Variants in ADAM2 observed in about 807,000 individuals in gnomAD.
The protein encoded by ADAM2 is disintegrin and metalloproteinase domain-containing protein 2.
In ADAM2, 101 loss-of-function variants were observed where a neutral mutation model predicts 99.3. That is an observed-to-expected ratio of 1.02 (90% CI 0.87 to 1.20). The LOEUF is 1.20. Among genes scored for constraint, ADAM2 ranks in the 50% most tolerant of loss-of-function variants. ADAM2 has a pLI of 0.00. For synonymous variants in ADAM2, 323 were observed against 287.6 expected (o/e 1.12, Z -1.25); for missense variants, 948 against 878.7 (o/e 1.08, Z -1.00).
chr8:39,780,975 TATAAAGC>T (rs1300934945), intron 10 of ADAM2, among the ~76,000 whole-genome samples: 5 of 152,000 alleles, frequency 3.3e-5, no homozygotes, highest in Non-Finnish European at 5.9e-5. Flanking sequence ...TTGGAATTAT[TATAAAGC>T]TTGTTTTGTG....
In ADAM2 at chr8:39,767,157, C is replaced by T; in HGVS notation, c.1307G>A (p.Cys436Tyr). Reference sequence around the variant, plus strand: ...AATTTTTCAAAAAGCTCTTACTAGACAGTTTTCGCAGCATGGTCCTTCAGC... The same window carrying T: ...AATTTTTCAAAAAGCTCTTACTAGATAGTTTTCGCAGCATGGTCCTTCAGC... ...NCAEGPCCEN[C>Y]LFMSKERMCR... is the part of the protein sequence containing the mutation. The change falls in exon 13 of 21, where the codon TGT becomes TAT. Residue 436 changes from cysteine to tyrosine, a missense_variant. Physicochemically the swap from Cys to Tyr is radical, Grantham distance 194 (BLOSUM62 -2). Coordinates refer to ENST00000265708, the MANE Select transcript of ADAM2 (RefSeq NM_001464.5). The T allele has an allele frequency of 6.2e-7, 1 of 1,605,666 alleles. No homozygotes were observed. Among genetic ancestry groups the T allele is most frequent in the Non-Finnish European group, 8.5e-7 (1 of 1,177,974 alleles).
chr8:39,785,373 C>T (rs1803422534), intron 10 of ADAM2, among the ~76,000 whole-genome samples: 1 of 152,142 alleles, frequency 6.6e-6, no homozygotes, highest in Non-Finnish European at 1.5e-5. Context: ...ACAACAGATG[C>T]TGATGAGGCT....
intron 3 of ADAM2, among the ~76,000 whole-genome samples, chr8:39,826,610 C>A (rs1212003207): frequency 1.3e-5 from 2 of 151,658 alleles, no homozygotes; most frequent in Non-Finnish European, 1.5e-5. Flanking sequence ...GTAGTCCCAG[C>A]TACTTGGGAG....
chr8:39,779,771 G>T (rs879823086), intron 10 of ADAM2, among the ~76,000 whole-genome samples: 3 of 152,134 alleles, frequency 2.0e-5, no homozygotes. Context: ...TTGTAAACAA[G>T]TGGGGATTTA....
intron 14 of ADAM2, among the ~76,000 whole-genome samples, chr8:39,762,463 T>A (rs868445903): frequency 6.6e-6 from 1 of 152,202 alleles, no homozygotes; most frequent in Non-Finnish European, 1.5e-5. Flanking sequence ...CAAGAGAAAC[T>A]ACTGAAAGAC....
At chr8:39,807,594 A>G (rs1407819965) in intron 7 of ADAM2, among the ~76,000 whole-genome samples, 1 of 152,054 alleles carries the variant, frequency 6.6e-6, no homozygotes, top group Non-Finnish European at 1.5e-5. Flanking sequence ...CCTCAAGATG[A>G]GATTAGTGCC....
At chr8:39,814,046 G>T (rs1303868428) in intron 6 of ADAM2, among the ~76,000 whole-genome samples, 1 of 151,942 alleles carries the variant, frequency 6.6e-6, no homozygotes, top group African/African-American at 2.4e-5. Flanking sequence ...TGTTGAAAAG[G>T]TGGTCAGATG....
intron 14 of ADAM2, among the ~76,000 whole-genome samples, chr8:39,762,610 A>G (rs999375574): frequency 1.3e-5 from 2 of 152,216 alleles, no homozygotes; most frequent in African/African-American, 4.8e-5. Flanking sequence ...TTTACTTAAG[A>G]AATATTATCC....
Position 39,797,866 on chromosome 8 carries a change from G to A in ADAM2, c.571-9126C>T, listed in dbSNP as rs555717435. Among the ~76,000 whole-genome samples the A allele has an allele frequency of 1.4e-4, 22 of 152,336 alleles. 1 individual carries two copies. The highest frequency in any genetic ancestry group is 5.3e-4 in the African/African-American group (22 of 41,578). On this transcript the variant is annotated intron_variant, in intron 7 of 20. Transcript: ENST00000265708. Reference sequence around the variant, plus strand: ...TTGCCTATTGTTGGTATAAAGGAATGCTTGTGATTTTTGCACATTGATTTT... The same window carrying A: ...TTGCCTATTGTTGGTATAAAGGAATACTTGTGATTTTTGCACATTGATTTT...
At chr8:39,831,675 G>A (rs1805623728) in intron 3 of ADAM2, among the ~76,000 whole-genome samples, 1 of 151,982 alleles carries the variant, frequency 6.6e-6, no homozygotes, top group African/African-American at 2.4e-5. Flanking sequence ...GAAAAATATA[G>A]TCATTGAAAA....
chr8:39,793,720 G>A (rs1013184607), intron 7 of ADAM2, among the ~76,000 whole-genome samples: 1 of 152,078 alleles, frequency 6.6e-6, no homozygotes, highest in East Asian at 1.9e-4. Flanking sequence ...TATTGGTAAA[G>A]CCCTCACTTG....
chr8:39,834,077 G>C, intron 2 of ADAM2, 78 bp from the exon 3 acceptor site: 1 of 750,110 alleles, frequency 1.3e-6, no homozygotes, highest in Non-Finnish European at 2.3e-6. Flanking sequence ...TTACATTAAT[G>C]ATAATTGCAT....
At chr8:39,800,770 A>AGG in intron 7 of ADAM2, among the ~76,000 whole-genome samples, 1 of 152,114 alleles carries the variant, frequency 6.6e-6, no homozygotes, top group East Asian at 1.9e-4. Context: ...TGTTTCAGTA[A>AGG]GGTGGTCTTC....
At position 39,821,606 on chromosome 8, in the gene ADAM2, A is replaced by G. The variant is rs780735344; in HGVS notation, c.324T>C (p.Val108=). The G allele has an allele frequency of 6.2e-7, 1 of 1,606,882 alleles. No individual in the cohort carries two copies. The highest frequency in any genetic ancestry group is 2.2e-5 in the East Asian group (1 of 44,766). The part of the protein sequence containing the change: ...IEGYPKSVVM[V]STCTGLRGVL... Reference sequence around the variant, plus strand: ...ACAACCTGAGTCCAGTACATGTGCTAACCATCACCACAGATTTTGGATAAC... The same window carrying G: ...ACAACCTGAGTCCAGTACATGTGCTGACCATCACCACAGATTTTGGATAAC... The change falls in exon 5 of 21, where the codon GTT becomes GTC. Residue 108 remains valine (V), a synonymous_variant. Coordinates refer to ENST00000265708, the MANE Select transcript of ADAM2 (RefSeq NM_001464.5).
chr8:39,764,964 A>C (rs1366098179), intron 14 of ADAM2, among the ~76,000 whole-genome samples: 1 of 152,074 alleles, frequency 6.6e-6, no homozygotes, highest in East Asian at 1.9e-4. Context: ...TGAAGGTTGC[A>C]GTAAGCCAAG....
chr8:39,776,647 G>A (rs950639259), intron 11 of ADAM2, among the ~76,000 whole-genome samples: 1 of 152,096 alleles, frequency 6.6e-6, no homozygotes, highest in South Asian at 2.1e-4. Flanking sequence ...GAAATCAACA[G>A]ATGCTGAGAC....
At chr8:39,791,942 C>G (rs557238082) in intron 7 of ADAM2, among the ~76,000 whole-genome samples, 2 of 152,112 alleles carry the variant, frequency 1.3e-5, no homozygotes, top group South Asian at 4.1e-4. Flanking sequence ...AACTAGGATT[C>G]CTGTGTTAGG....
At chr8:39,767,313 G>A in intron 12 of ADAM2, 62 bp from the exon 13 acceptor site, 7 of 1,369,410 alleles carry the variant, frequency 5.1e-6, no homozygotes, top group Non-Finnish European at 7.1e-6. Context: ...GGACAGGCAT[G>A]TTCATAAAGA....
At chr8:39,747,685 T>G (rs201972) in intron 18 of ADAM2, among the ~76,000 whole-genome samples, 88,215 of 151,948 alleles carry the variant, frequency 0.58, 25,815 homozygotes, top group East Asian at 0.86. Context: ...AATAAAATCC[T>G]TGCTTGGACC....
Sources: allele counts gnomAD v4.1 joint callset (sites outside exome capture counted in the v4.1 genomes callset), GRCh38; gene constraint gnomAD v4.1.1; transcripts MANE v1.5; gene names NCBI Gene and HGNC (gene_info 2026-07-23, HGNC 2026-07-21).